Variants in CMIP observed in about 807,000 individuals in gnomAD.
The protein encoded by CMIP is C-Maf-inducing protein.
In CMIP, 13 loss-of-function variants were observed where a neutral mutation model predicts 97.3. The observed-to-expected ratio is 0.13, with a 90% CI of 0.09 to 0.21. The LOEUF (loss-of-function observed/expected upper bound fraction) is 0.21. CMIP is among the 10% of genes least tolerant of loss of function. CMIP has a pLI of 1.00. For synonymous variants in CMIP, 538 were observed against 436.3 expected (o/e 1.23, Z -2.91); for missense variants, 847 against 1,024.9 (o/e 0.83, Z 2.37).
chr16:81,508,281 A>G (rs1254498697), intron 1 of CMIP, among the ~76,000 whole-genome samples: 8 of 152,236 alleles, frequency 5.3e-5, no homozygotes, highest in Non-Finnish European at 1.2e-4. Context: ...CAGAGGCCAC[A>G]GCATCCCTGG....
intron 1 of CMIP, among the ~76,000 whole-genome samples, chr16:81,523,811 CGCTCAGACACAGCTTCCTTTAGCTAGG>C (rs1489213917): frequency 6.6e-6 from 1 of 152,236 alleles, no homozygotes; most frequent in African/African-American, 2.4e-5. Flanking sequence ...CCCTGAACCT[CGCTCAGACACAGCTTCCTTTAGCTAGG>C]AGCCTGGATG....
intron 1 of CMIP, among the ~76,000 whole-genome samples, chr16:81,523,793 C>A (rs1292331850): frequency 1.3e-5 from 2 of 152,250 alleles, no homozygotes. Context: ...TGAGTCACCA[C>A]CAGGTAACCC....
At chr16:81,637,272 C>A (rs1322879721) in intron 3 of CMIP, among the ~76,000 whole-genome samples, 1 of 152,110 alleles carries the variant, frequency 6.6e-6, no homozygotes, top group Non-Finnish European at 1.5e-5. Flanking sequence ...GGGGTTTCAT[C>A]ATGTTGGCCA....
intron 1 of CMIP, among the ~76,000 whole-genome samples, chr16:81,545,796 G>A (rs774590870): frequency 2.6e-5 from 4 of 152,200 alleles, no homozygotes; most frequent in Admixed American, 6.5e-5. Flanking sequence ...CGGCCCTCCC[G>A]TGGGCCCCAG....
At chr16:81,449,873 G>A (rs1431190309) in intron 1 of CMIP, among the ~76,000 whole-genome samples, 1 of 152,252 alleles carries the variant, frequency 6.6e-6, no homozygotes, top group Non-Finnish European at 1.5e-5. Flanking sequence ...GAAGGAGTAA[G>A]TTTTGATGCT....
At chr16:81,495,757 T>G (rs1476257809) in intron 1 of CMIP, among the ~76,000 whole-genome samples, 1 of 152,226 alleles carries the variant, frequency 6.6e-6, no homozygotes, top group Non-Finnish European at 1.5e-5. Flanking sequence ...TGGAAGCCCC[T>G]GCCTGCTGTG....
rs755107280 is a variant in CMIP, at chr16:81,657,798, G to A, written c.663G>A (p.Glu221=). ...AGAACACAAACTTGACCACCCAGGAGCATGAAAACATCATTGTGGTAAGTT... is the reference window on the plus strand; with the variant it reads ...AGAACACAAACTTGACCACCCAGGAACATGAAAACATCATTGTGGTAAGTT... ...LSENTNLTTQ[E]HENIIVAIAP... Residue 221 remains glutamate, a synonymous_variant, in exon 5 of 21, where the codon GAG becomes GAA. Transcript: ENST00000537098. The A allele has an allele frequency of 5.6e-6, 9 of 1,608,468 alleles. No homozygotes were observed. Among genetic ancestry groups the A allele is most frequent in the Admixed American group, 1.7e-5 (1 of 59,176 alleles).
At chr16:81,510,280 C>T (rs1056412414) in intron 1 of CMIP, among the ~76,000 whole-genome samples, 12 of 152,174 alleles carry the variant, frequency 7.9e-5, no homozygotes, top group Admixed American at 3.9e-4. Flanking sequence ...GCCCTTGTTT[C>T]CCTGGGTGTG....
chr16:81,578,568 T>C (rs2091241619), intron 1 of CMIP, among the ~76,000 whole-genome samples: 1 of 152,198 alleles, frequency 6.6e-6, no homozygotes, highest in Non-Finnish European at 1.5e-5. Context: ...GAGCTGTCCT[T>C]GTGAATTTCC....
chr16:81,668,811 C>T (rs1374014315), intron 7 of CMIP, among the ~76,000 whole-genome samples: 3 of 151,514 alleles, frequency 2.0e-5, no homozygotes, highest in African/African-American at 7.3e-5. Flanking sequence ...TCCATTCACA[C>T]CCACCTCACA....
chr16:81,658,515 G>A (rs116495675), intron 5 of CMIP, among the ~76,000 whole-genome samples: 556 of 152,322 alleles, frequency 3.7e-3, no homozygotes, highest in African/African-American at 0.012. Context: ...AAACTCCCCT[G>A]GGAAAGGAGC....
At chr16:81,591,983 A>G (rs796720003) in intron 1 of CMIP, among the ~76,000 whole-genome samples, 33 of 150,338 alleles carry the variant, frequency 2.2e-4, no homozygotes, top group African/African-American at 7.8e-4. Flanking sequence ...GCCACCACAC[A>G]TGGCTAGTTT....
chr16:81,696,352 C>A (rs549936428), intron 13 of CMIP: 4 of 616,670 alleles, frequency 6.5e-6, no homozygotes, highest in Non-Finnish European at 1.2e-5. Flanking sequence ...TAGCCAGAGT[C>A]CCCTGGGGTG....
chr16:81,669,033 CCCA>C (rs1165377893), intron 7 of CMIP, among the ~76,000 whole-genome samples: 6 of 148,622 alleles, frequency 4.0e-5, no homozygotes, highest in Admixed American at 2.0e-4. Context: ...TCCTTCCACA[CCCA>C]CCACACTCTC....
chr16:81,620,813 G>A (rs2091982438), intron 2 of CMIP, 63 bp from the exon 3 acceptor site: 1 of 1,603,166 alleles, frequency 6.2e-7, no homozygotes, highest in African/African-American at 1.3e-5. Context: ...TGCTGGCCTT[G>A]AAATGCCCTG....
intron 1 of CMIP, among the ~76,000 whole-genome samples, chr16:81,568,826 G>A (rs1325461533): frequency 2.0e-5 from 3 of 152,226 alleles, no homozygotes; most frequent in Non-Finnish European, 2.9e-5. Context: ...AGGCGAGTGG[G>A]TGACCTGGGA....
chr16:81,657,888 G>A (rs748809241), intron 5 of CMIP, 72 bp downstream of exon 5: 271 of 1,345,620 alleles, frequency 2.0e-4, no homozygotes, highest in Non-Finnish European at 2.6e-4. Context: ...TTCCTGGTTT[G>A]GGGTAATTCT....
At chr16:81,702,076 G>A (rs1001344075) in intron 16 of CMIP, among the ~76,000 whole-genome samples, 4 of 152,116 alleles carry the variant, frequency 2.6e-5, no homozygotes, top group African/African-American at 9.7e-5. Context: ...CAGTACATGG[G>A]GGACCCAACT....
intron 1 of CMIP, among the ~76,000 whole-genome samples, chr16:81,460,966 G>A (rs1906864197): frequency 1.3e-5 from 2 of 152,202 alleles, no homozygotes; most frequent in African/African-American, 2.4e-5. Flanking sequence ...AATGATGAAG[G>A]AAACTGAGGC....
Sources: gnomAD v4.1 joint callset for allele counts (sites outside exome capture counted in the v4.1 genomes callset) on GRCh38, gnomAD v4.1.1 for gene constraint, MANE v1.5 for transcripts, NCBI Gene and HGNC (gene_info 2026-07-23, HGNC 2026-07-21) for gene names.